The following NINJ2 variants were observed in gnomAD, a reference collection of about 807,000 sequenced individuals.
NINJ2 encodes ninjurin 2.
A neutral mutation model predicts 11.7 loss-of-function variants in NINJ2; 12 were observed. That is an observed-to-expected ratio of 1.02 (90% CI 0.66 to 1.66). The LOEUF (loss-of-function observed/expected upper bound fraction) is 1.66. Ranked by LOEUF, NINJ2 falls within the 40% of genes most tolerant of loss-of-function variation. The pLI, the probability that NINJ2 is intolerant of heterozygous loss-of-function variation, is 0.00. For missense variants in NINJ2, 187 were observed against 181.8 expected (o/e 1.03, Z -0.16); for synonymous variants, 93 against 76.8 (o/e 1.21, Z -1.10).
At chr12:629,117 T>C (rs891908469) in intron 1 of NINJ2, among the ~76,000 whole-genome samples, 1 of 152,210 alleles carries the variant, frequency 6.6e-6, no homozygotes, top group African/African-American at 2.4e-5. Context: ...CCAGAGTTCT[T>C]GTACAAGATC....
intron 3 of NINJ2, 133 bp from the exon 4 acceptor site, chr12:564,814 G>C (rs1947269754): frequency 6.4e-6 from 1 of 156,494 alleles, no homozygotes; most frequent in Non-Finnish European, 1.4e-5. Flanking sequence ...AGCAGAGCCT[G>C]AGATTCTGCA....
In NINJ2 at chr12:639,111, T is replaced by C. The variant is rs79867382; in HGVS notation, c.33+24217A>G. ...AAGAAACAAGGGCCTGGTCCATCCG[T>C]TTATTTCCTTCCTCCTACTACCCCT... On this transcript the variant is annotated intron_variant, in intron 1 of 3. Coordinates refer to ENST00000305108, the MANE Select transcript of NINJ2 (RefSeq NM_016533.6). Among the ~76,000 whole-genome samples, 640 of 152,224 alleles carry C rather than the reference T, an allele frequency of 4.2e-3. 31 individuals carry two copies. In the East Asian group the frequency reaches 0.1, roughly 24 times the overall value.
chr12:571,979 G>C (rs1361104714), intron 1 of NINJ2, among the ~76,000 whole-genome samples: 5 of 152,354 alleles, frequency 3.3e-5, no homozygotes, highest in African/African-American at 1.2e-4. Flanking sequence ...CCCAAGGGAA[G>C]TATAGGCATG....
At chr12:565,664 C>T (rs879379490) in intron 2 of NINJ2, 15 of 611,900 alleles carry the variant, frequency 2.5e-5, no homozygotes, top group Middle Eastern at 4.3e-4. Flanking sequence ...CATGGAGAAG[C>T]GGTGAGCGAG....
intron 1 of NINJ2, among the ~76,000 whole-genome samples, chr12:577,416 C>CATATATATATACATATATATGT (rs1565621205): frequency 1.6e-4 from 20 of 121,240 alleles, no homozygotes; most frequent in African/African-American, 4.4e-4. Context: ...ACACTAGTCT[C>CATATATATATACATATATATGT]ATATATATAT....
chr12:644,306 G>A (rs1196169343), intron 1 of NINJ2: 1 of 152,280 alleles, frequency 6.6e-6, no homozygotes, highest in Non-Finnish European at 1.5e-5. Context: ...TCTGGGGTGC[G>A]GCCTGAGATT....
chr12:652,561 T>C (rs1937809698), intron 1 of NINJ2, among the ~76,000 whole-genome samples: 1 of 151,722 alleles, frequency 6.6e-6, no homozygotes, highest in Non-Finnish European at 1.5e-5. Flanking sequence ...GGTCAGAAAC[T>C]CAGATCTATG....
chr12:570,681 G>A (rs1947363983), intron 1 of NINJ2, among the ~76,000 whole-genome samples: 1 of 151,604 alleles, frequency 6.6e-6, no homozygotes, highest in Non-Finnish European at 1.5e-5. Flanking sequence ...CCCTCCCCTG[G>A]CCCTGGCCCT....
chr12:601,417 G>A lies in NINJ2; in HGVS notation c.34-35239C>T, dbSNP rs543008633. Among the ~76,000 whole-genome samples, 32 of 144,116 alleles carry A rather than the reference G, an allele frequency of 2.2e-4. 1 individual carries two copies. The highest frequency in any genetic ancestry group is 1.2e-3 in the East Asian group (6 of 5,170). 94.5% of individuals were successfully genotyped at this position (144,116 alleles called of 152,430 possible). On this transcript the variant is annotated intron_variant, in intron 1 of 3. Coordinates refer to ENST00000305108, the MANE Select transcript of NINJ2 (RefSeq NM_016533.6). ...AAAAAAATTAGCCAGGCGTGGTGGC[G>A]GGCGCCTGTAGTCCCAGCTACAGGG...
chr12:637,534 G>A (rs1320443044), intron 1 of NINJ2, among the ~76,000 whole-genome samples: 2 of 146,344 alleles, frequency 1.4e-5, no homozygotes, highest in African/African-American at 2.5e-5. Flanking sequence ...CCAGCTACTC[G>A]GGAGGCTGAG....
At chr12:579,359 G>C (rs866513553) in intron 1 of NINJ2, among the ~76,000 whole-genome samples, 1 of 151,264 alleles carries the variant, frequency 6.6e-6, no homozygotes, top group Admixed American at 6.6e-5. Context: ...CCTAGCACGA[G>C]CTAGGCATCT....
intron 1 of NINJ2, among the ~76,000 whole-genome samples, chr12:593,018 A>C (rs1725316869): frequency 6.6e-6 from 1 of 152,194 alleles, no homozygotes; most frequent in African/African-American, 2.4e-5. Context: ...TTTCCCTAAA[A>C]ATGCAATCAA....
chr12:571,811 T>TGGAG (rs1300718744), intron 1 of NINJ2, among the ~76,000 whole-genome samples: 1 of 152,260 alleles, frequency 6.6e-6, no homozygotes, highest in Non-Finnish European at 1.5e-5. Context: ...AACAGATCAT[T>TGGAG]CTGCTCTTTC....
intron 1 of NINJ2, among the ~76,000 whole-genome samples, chr12:577,432 T>TATATATGTATATATATATATAC (rs1947479393): frequency 7.1e-6 from 1 of 140,210 alleles, no homozygotes; most frequent in African/African-American, 2.6e-5. Context: ...TATATATACA[T>TATATATGTATATATATATATAC]ATATATATAT....
chr12:650,819 C>G (rs1024287211), intron 1 of NINJ2, among the ~76,000 whole-genome samples: 9 of 152,186 alleles, frequency 5.9e-5, no homozygotes, highest in African/African-American at 2.2e-4. Context: ...ATTAGCCACT[C>G]TATCCTAACG....
Position 586,696 on chromosome 12 carries a change from A to G in NINJ2, c.34-20518T>C, listed in dbSNP as rs1283894174. ...AACCATCGGGGCAAGGGACCTCTCC[A>G]AGGCAACAGAACTGGGCAGTGCTGA... is the stretch of plus-strand genomic sequence containing the variant. On this transcript the variant is annotated intron_variant, in intron 1 of 3. Coordinates refer to ENST00000305108, the MANE Select transcript of NINJ2 (RefSeq NM_016533.6). 2.6e-5 allele frequency among the ~76,000 whole-genome samples: 4 copies of G among 152,314 alleles called. No individual in the cohort carries two copies. In the South Asian group the frequency reaches 6.2e-4, roughly 24 times the overall value.
chr12:618,031 G>A (rs1210515842), intron 1 of NINJ2, among the ~76,000 whole-genome samples: 1 of 151,894 alleles, frequency 6.6e-6, no homozygotes, highest in African/African-American at 2.4e-5. Flanking sequence ...TCTGATTTAC[G>A]GATTTAATGT....
rs1948069320 is a variant in NINJ2 at position 614,485 on chromosome 12, G to A, written c.34-48307C>T. Among the ~76,000 whole-genome samples the A allele has an allele frequency of 6.6e-6, 1 of 152,094 alleles. No homozygotes were observed. The highest frequency in any genetic ancestry group is 1.5e-5 in the Non-Finnish European group (1 of 68,020). On this transcript the variant is annotated intron_variant, in intron 1 of 3. Coordinates refer to ENST00000305108, the MANE Select transcript of NINJ2 (RefSeq NM_016533.6). This position sits in a 1 kb window ranked among gnomAD's most constrained non-coding sequence, Gnocchi z 5.1. ...GGGGTGGGGGTGGCGGTGTGCCTGT[G>A]TGCCCACGGGGGGCTCAGCAGATGG... is the stretch of plus-strand genomic sequence containing the variant.
chr12:657,438 A>C (rs1937888279), intron 1 of NINJ2, among the ~76,000 whole-genome samples: 1 of 152,104 alleles, frequency 6.6e-6, no homozygotes, highest in African/African-American at 2.4e-5. Flanking sequence ...AAATACAAAA[A>C]TTAGCCGGGG....
Sources: gnomAD v4.1 joint callset for allele counts (sites outside exome capture counted in the v4.1 genomes callset) on GRCh38, gnomAD v4.1.1 for gene constraint, Gnocchi (gnomAD v3.1) non-coding constraint, MANE v1.5 for transcripts, NCBI Gene and HGNC (gene_info 2026-07-23, HGNC 2026-07-21) for gene names.